APBB2: variants seen among roughly 807,000 people sequenced by gnomAD.
APBB2 encodes amyloid beta precursor protein binding family B member 2.
A neutral mutation model predicts 82.5 loss-of-function variants in APBB2; 38 were observed. That is an observed-to-expected ratio of 0.46 (90% CI 0.36 to 0.60). The LOEUF (loss-of-function observed/expected upper bound fraction) is 0.60. APBB2 is among the 20% of genes least tolerant of loss of function. The pLI is 0.00. For missense variants in APBB2, 772 were observed against 972.3 expected (o/e 0.79, Z 2.74); for synonymous variants, 341 against 368.2 (o/e 0.93, Z 0.85).
chr4:40,869,722 T>C (rs1302127147), intron 12 of APBB2, among the ~76,000 whole-genome samples: 5 of 152,152 alleles, frequency 3.3e-5, no homozygotes, highest in Non-Finnish European at 7.4e-5. Flanking sequence ...ATTCTAAGAA[T>C]AAAAGACTTT....
chr4:40,952,289 T>C (rs1790411874), intron 6 of APBB2, among the ~76,000 whole-genome samples: 1 of 151,914 alleles, frequency 6.6e-6, no homozygotes, highest in Non-Finnish European at 1.5e-5. Context: ...TTCCAGGATC[T>C]GAGGAGGTCC....
intron 1 of APBB2, among the ~76,000 whole-genome samples, chr4:41,182,388 C>T (rs1771673493): frequency 6.6e-6 from 1 of 152,170 alleles, no homozygotes; most frequent in Admixed American, 6.5e-5. Context: ...ACCAAGGTAA[C>T]CTTGGTTAAT....
At position 41,041,026 on chromosome 4, in the gene APBB2, G is replaced by A. The variant is rs374189769; in HGVS notation, c.-50-7722C>T. ...CTCTCGAGCAGCTGGGACTACAAGC[G>A]CCCACCACCACACCCGGCTGATTTT... is the stretch of plus-strand genomic sequence containing the variant. On this transcript the variant is annotated intron_variant, in intron 4 of 17. Transcript: ENST00000508593. 1.6e-3 allele frequency among the ~76,000 whole-genome samples: 239 copies of A among 152,100 alleles called. 5 individuals are homozygous for A. In the East Asian group the frequency reaches 0.034, roughly 22 times the overall value.
At chr4:40,870,734 C>CT (rs34591003) in intron 12 of APBB2, among the ~76,000 whole-genome samples, 23,811 of 130,552 alleles carry the variant, frequency 0.18, 2,525 homozygotes, top group Non-Finnish European at 0.22. Context: ...TATACACACT[C>CT]TTTTTTTTTT....
chr4:41,131,295 T>C (rs565532137), intron 2 of APBB2, among the ~76,000 whole-genome samples: 1 of 152,324 alleles, frequency 6.6e-6, no homozygotes. Flanking sequence ...GAGTTTGCTA[T>C]CTTTGTATTA....
intron 10 of APBB2, among the ~76,000 whole-genome samples, chr4:40,925,767 C>A (rs1209451854): frequency 1.3e-5 from 2 of 152,220 alleles, no homozygotes; most frequent in African/African-American, 4.8e-5. Flanking sequence ...CCTACTACTT[C>A]CTGCTTATCT....
At chr4:40,830,165 G>A (rs1751375568) in intron 13 of APBB2, among the ~76,000 whole-genome samples, 1 of 149,770 alleles carries the variant, frequency 6.7e-6, no homozygotes, top group Non-Finnish European at 1.5e-5. Context: ...AGCGATGCCT[G>A]CCCTGCAGCA....
chr4:41,071,790 T>C (rs964452674), intron 3 of APBB2, among the ~76,000 whole-genome samples: 2 of 152,206 alleles, frequency 1.3e-5, no homozygotes, highest in Non-Finnish European at 2.9e-5. Context: ...TCAAAATGGG[T>C]TTAATTTCAA....
At chr4:41,094,659 G>A (rs553081562) in intron 3 of APBB2, among the ~76,000 whole-genome samples, 1 of 152,258 alleles carries the variant, frequency 6.6e-6, no homozygotes, top group South Asian at 2.1e-4. Context: ...CTGTCTCCCG[G>A]GTTCAAGCGA....
At chr4:40,834,781 C>T (rs1020335460) in intron 12 of APBB2, among the ~76,000 whole-genome samples, 29 of 152,136 alleles carry the variant, frequency 1.9e-4, no homozygotes, top group African/African-American at 6.5e-4. Flanking sequence ...AAAACGGATT[C>T]TCCCCGAGAG....
chr4:41,129,969 C>A (rs1050490494), intron 2 of APBB2, among the ~76,000 whole-genome samples: 1 of 151,934 alleles, frequency 6.6e-6, no homozygotes, highest in African/African-American at 2.4e-5. Context: ...GGAAGGTTTG[C>A]AATTTTTAAA....
intron 10 of APBB2, among the ~76,000 whole-genome samples, chr4:40,908,869 C>T (rs1468737405): frequency 6.6e-6 from 1 of 152,200 alleles, no homozygotes; most frequent in Non-Finnish European, 1.5e-5. Flanking sequence ...CTAGGGGGCA[C>T]CATCACCCAA....
chr4:40,833,216 G>T (rs1040978510), intron 12 of APBB2, among the ~76,000 whole-genome samples: 2 of 152,170 alleles, frequency 1.3e-5, no homozygotes, highest in Non-Finnish European at 2.9e-5. Context: ...CCATCTTCCT[G>T]AGGCCAAATC....
chr4:40,977,487 A>G (rs148170592), intron 6 of APBB2, among the ~76,000 whole-genome samples: 113 of 152,160 alleles, frequency 7.4e-4, no homozygotes, highest in Middle Eastern at 3.4e-3. Flanking sequence ...TAATTTTTGT[A>G]TTTTTAGTAA....
At chr4:41,141,340 GTGTGTGTC>G (rs754641403) in intron 2 of APBB2, among the ~76,000 whole-genome samples, 9,319 of 82,238 alleles carry the variant, frequency 0.11, 938 homozygotes, top group African/African-American at 0.27. Context: ...GTCTGTGTGT[GTGTGTGTC>G]TGTGTGTCTG....
chr4:40,997,886 G>C (rs1218220106), intron 6 of APBB2, among the ~76,000 whole-genome samples: 1 of 152,152 alleles, frequency 6.6e-6, no homozygotes, highest in Non-Finnish European at 1.5e-5. Context: ...CACATAAAGT[G>C]CTTCCATGGC....
chr4:41,095,673 T>TG (rs1331142361), intron 3 of APBB2, among the ~76,000 whole-genome samples: 1 of 152,218 alleles, frequency 6.6e-6, no homozygotes, highest in Non-Finnish European at 1.5e-5. Flanking sequence ...ATGACAAGTG[T>TG]GCTGGGTGGT....
In APBB2 at chr4:41,077,322, T is replaced by A. The variant is rs186158098; in HGVS notation, c.-148-11649A>T. On this transcript the variant is annotated intron_variant, in intron 3 of 17. Coordinates refer to ENST00000508593, the MANE Select transcript of APBB2 (RefSeq NM_004307.2). ...CCACACACAGCCAGGGATTTTTTTT[T>A]AAACAATAATTACATTGGAGAAAAA... is the stretch of plus-strand genomic sequence containing the variant. 1.8e-3 allele frequency among the ~76,000 whole-genome samples: 279 copies of A among 151,814 alleles called. 1 individual carries two copies. The highest frequency in any genetic ancestry group is 6.4e-3 in the African/African-American group (264 of 41,370).
At chr4:40,983,770 G>T (rs76005119) in intron 6 of APBB2, among the ~76,000 whole-genome samples, 1,829 of 152,264 alleles carry the variant, frequency 0.012, 40 homozygotes, top group African/African-American at 0.042. Flanking sequence ...TAAAGACGGG[G>T]TTCCACACGT....
Sources: allele counts gnomAD v4.1 joint callset (sites outside exome capture counted in the v4.1 genomes callset), GRCh38; gene constraint gnomAD v4.1.1; transcripts MANE v1.5; gene names NCBI Gene and HGNC (gene_info 2026-07-23, HGNC 2026-07-21).